The following RASA2 variants were observed in gnomAD, a reference collection of about 807,000 sequenced individuals.
RASA2 encodes the protein RAS p21 protein activator 2, also known as ras GTPase-activating protein 2.
In RASA2, 155 loss-of-function variants were observed where a neutral mutation model predicts 118.2. The observed-to-expected ratio is 1.31, with a 90% confidence interval of 1.15 to 1.50. The LOEUF is 1.50. Among genes scored for constraint, RASA2 ranks in the 40% most tolerant of loss-of-function variants. The probability of loss-of-function intolerance (pLI) is 0.00; values close to 1 mark genes in which losing one functional copy is unlikely to be tolerated. For missense variants in RASA2, 1,016 were observed against 1,009.6 expected (o/e 1.01, Z -0.09); for synonymous variants, 353 against 349.1 (o/e 1.01, Z -0.12).
intron 1 of RASA2, among the ~76,000 whole-genome samples, chr3:141,500,809 T>C (rs2151072530): frequency 6.6e-6 from 1 of 152,332 alleles, no homozygotes; most frequent in African/African-American, 2.4e-5. Context: ...TAGAAATCAG[T>C]GTTACTCTGT....
At chr3:141,512,315 C>T (rs755238299) in intron 2 of RASA2, 35 bp downstream of exon 2, 2 of 1,353,084 alleles carry the variant, frequency 1.5e-6, no homozygotes, top group South Asian at 2.5e-5. Flanking sequence ...ATAATTTTTA[C>T]TATATAGATT....
chr3:141,598,107 G>C (rs1463149212), intron 19 of RASA2, among the ~76,000 whole-genome samples: 1 of 152,006 alleles, frequency 6.6e-6, no homozygotes, highest in Non-Finnish European at 1.5e-5. Context: ...TGGTAAAGTC[G>C]GCCAAACACT....
At chr3:141,521,717 T>A (rs1485027810) in intron 3 of RASA2, among the ~76,000 whole-genome samples, 1 of 151,930 alleles carries the variant, frequency 6.6e-6, no homozygotes, top group African/African-American at 2.4e-5. Flanking sequence ...TAAATGTTTA[T>A]TCTTTCTAAG....
At chr3:141,570,507 A>C (rs997769907) in intron 9 of RASA2, among the ~76,000 whole-genome samples, 1 of 152,218 alleles carries the variant, frequency 6.6e-6, no homozygotes, top group Non-Finnish European at 1.5e-5. Context: ...GTCATGAGCC[A>C]CTGCACCCGG....
intron 22 of RASA2, 44 bp from the exon 23 acceptor site, chr3:141,609,833 A>G (rs1327309811): frequency 4.8e-6 from 7 of 1,470,040 alleles, no homozygotes; most frequent in Non-Finnish European, 6.3e-6. Context: ...GCATTTATAG[A>G]ATTTAGTTGT....
At chr3:141,531,431 T>G (rs1011403440) in intron 4 of RASA2, among the ~76,000 whole-genome samples, 1 of 151,668 alleles carries the variant, frequency 6.6e-6, no homozygotes, top group Admixed American at 6.6e-5. Context: ...TGTGTGTATA[T>G]ATATATGCAT....
In RASA2 at chr3:141,540,612, A is replaced by G; in HGVS notation, c.527+3A>G. On this transcript the variant is annotated splice_donor_region_variant and intron_variant, in intron 5 of 23. Coordinates refer to ENST00000286364, the MANE Select transcript of RASA2 (RefSeq NM_006506.5). ...GTATGCCAGCAGCTTGTTGTACAGT[A>G]AGCATTTTTTTTAACCAAAATCAAC... is the stretch of plus-strand genomic sequence containing the variant. 1 of 1,605,638 alleles carries G rather than the reference A, an allele frequency of 6.2e-7. No homozygotes were observed.
rs771235361 is a variant in RASA2, at chr3:141,558,882, A to G, written c.685-4A>G. ...AAATTTTTACTAAAATATTTTGTTT[A>G]CAGGTAACCAGATCCAGTAGTTACA... On this transcript the variant is annotated splice_polypyrimidine_tract_variant and splice_region_variant and intron_variant, in intron 7 of 23. Coordinates refer to ENST00000286364, the MANE Select transcript of RASA2 (RefSeq NM_006506.5). 1.5e-5 allele frequency: 23 copies of G among 1,585,812 alleles called. No homozygotes were observed. The East Asian group carries it at 4.9e-4, about 34-fold the overall frequency.
At position 141,572,615 on chromosome 3, in the gene RASA2, A is replaced by G. The variant is rs776792362; in HGVS notation, c.1176A>G (p.Ala392=). The change falls in exon 12 of 24, where the codon GCA becomes GCG. Residue 392 remains alanine, a synonymous_variant. Transcript: ENST00000286364. ...AELDLKDTQD[A]NTIFRGNSLA... ...TCATCTATTTCTATTTCAGAGATGCAAACACAATTTTTAGAGGAAATTCCC... is the reference window on the plus strand; with the variant it reads ...TCATCTATTTCTATTTCAGAGATGCGAACACAATTTTTAGAGGAAATTCCC... 6.2e-7 allele frequency: 1 copy of G among 1,612,112 alleles called. No homozygotes were observed. The highest frequency in any genetic ancestry group is 1.1e-5 in the South Asian group (1 of 91,042).
At chr3:141,586,200 T>A (rs2083199694) in intron 18 of RASA2, 102 bp downstream of exon 18, 6 of 1,168,638 alleles carry the variant, frequency 5.1e-6, no homozygotes. Flanking sequence ...CTTTGTGTGC[T>A]GTGTTAGAAC....
Position 141,495,496 on chromosome 3 carries a change from T to G in RASA2, c.133+8280T>G, listed in dbSNP as rs140521236. Among the ~76,000 whole-genome samples the G allele has an allele frequency of 4.1e-3, 621 of 152,320 alleles. 6 individuals are homozygous for G. Among genetic ancestry groups the G allele is most frequent in the African/African-American group, 0.014 (593 of 41,570 alleles). On this transcript the variant is annotated intron_variant, in intron 1 of 23. Transcript: ENST00000286364. ...AAATGTCCAGTAAACATGAAAATAT[T>G]GGTAAAGTAAAAATTAATCAGGGAA...
At chr3:141,550,860 A>T (rs924352312) in intron 5 of RASA2, among the ~76,000 whole-genome samples, 1 of 152,198 alleles carries the variant, frequency 6.6e-6, no homozygotes, top group Non-Finnish European at 1.5e-5. Flanking sequence ...CTGTCTCAAA[A>T]ACTGAAGTAC....
chr3:141,601,970 A>C (rs1189527523), intron 19 of RASA2, among the ~76,000 whole-genome samples: 1 of 152,126 alleles, frequency 6.6e-6, no homozygotes, highest in Admixed American at 6.5e-5. Flanking sequence ...ATTTCCATTT[A>C]GTTCTCTTTG....
Position 141,565,877 on chromosome 3 carries a change from A to C in RASA2, c.864-5035A>C, listed in dbSNP as rs74454986. 9.6e-3 allele frequency among the ~76,000 whole-genome samples: 1,468 copies of C among 152,330 alleles called. 32 individuals carry two copies. The highest frequency in any genetic ancestry group is 0.034 in the African/African-American group (1,418 of 41,564). On this transcript the variant is annotated intron_variant, in intron 9 of 23. Transcript: ENST00000286364. The stretch of plus-strand genomic sequence containing the variant: ...ATCACTATTTCTTAAATCAGACAGT[A>C]GATGTTCTGAAGGTTGATCTTCCTC...
At chr3:141,595,607 A>AT (rs1022216057) in intron 19 of RASA2, among the ~76,000 whole-genome samples, 10 of 151,508 alleles carry the variant, frequency 6.6e-5, no homozygotes, top group South Asian at 4.2e-4. Context: ...TTCTAGTTGA[A>AT]TTTTTTTTTC....
At chr3:141,526,776 G>A (rs75858748) in intron 3 of RASA2, among the ~76,000 whole-genome samples, 4,685 of 152,174 alleles carry the variant, frequency 0.031, 240 homozygotes, top group African/African-American at 0.1. Flanking sequence ...ATTATTCTCA[G>A]CTCACAAATG....
chr3:141,609,099 G>T (rs1328285624), intron 21 of RASA2, among the ~76,000 whole-genome samples: 1 of 151,992 alleles, frequency 6.6e-6, no homozygotes, highest in African/African-American at 2.4e-5. Context: ...AAGAAAGAAG[G>T]ATCCTTAGCA....
intron 1 of RASA2, among the ~76,000 whole-genome samples, chr3:141,495,264 G>A (rs1015255911): frequency 2.6e-5 from 4 of 152,328 alleles, no homozygotes; most frequent in African/African-American, 7.2e-5. Flanking sequence ...AATTGACCAA[G>A]GTTAGATGGC....
intron 3 of RASA2, chr3:141,526,015 A>G (rs1300772181): frequency 6.6e-6 from 1 of 152,142 alleles, no homozygotes; most frequent in Non-Finnish European, 1.5e-5. Flanking sequence ...ACACTAGGTT[A>G]TGGAATTAGT....
Sources: gnomAD v4.1 joint callset for allele counts (sites outside exome capture counted in the v4.1 genomes callset) on GRCh38, gnomAD v4.1.1 for gene constraint, MANE v1.5 for transcripts, NCBI Gene and HGNC (gene_info 2026-07-23, HGNC 2026-07-21) for gene names.